BRME1: variants seen among roughly 807,000 people sequenced by gnomAD.
BRME1 encodes BRCA2 and MEILB2-associating protein 1.
A neutral mutation model predicts 52.6 loss-of-function variants in BRME1; 31 were observed. The ratio of observed to expected loss-of-function variants is 0.59; its 90% CI spans 0.44 to 0.80. The LOEUF (loss-of-function observed/expected upper bound fraction) is 0.80, where lower values mean the gene tolerates loss of function less well. Among genes scored for constraint, BRME1 ranks in the 30% least tolerant of loss-of-function variants. The probability of loss-of-function intolerance (pLI) is 0.00; values close to 1 mark genes in which losing one functional copy is unlikely to be tolerated. For synonymous variants in BRME1, 359 were observed against 353.6 expected (o/e 1.02, Z -0.17); for missense variants, 804 against 860.3 (o/e 0.93, Z 0.82).
intron 3 of BRME1, 152 bp downstream of exon 3, chr19:13,895,220 G>T (rs1249789318): frequency 2.0e-5 from 14 of 716,930 alleles, no homozygotes; most frequent in Non-Finnish European, 6.5e-6. Flanking sequence ...GCTAGGAGAA[G>T]CGAGATCCGA....
rs59151567 is a variant in BRME1 at position 13,891,135 on chromosome 19, T to TTTTTTTTTTTTATTA, written c.394-674_394-673insTAATAAAAAAAAAAA. ...AGACCACACCAATGTCAATTTCCTGTTTATTATTATTATTATTATTATTAT... is the reference window on the plus strand; with the variant it reads ...AGACCACACCAATGTCAATTTCCTGTTTTTTTTTTTTATTATTATTATTATTATTATTATTATTAT... On this transcript the variant is annotated intron_variant, in intron 5 of 8. Transcript: ENST00000586783. 1.2e-3 allele frequency among the ~76,000 whole-genome samples: 183 copies of TTTTTTTTTTTTATTA among 146,666 alleles called. 1 individual carries two copies. The highest frequency in any genetic ancestry group is 4.4e-3 in the African/African-American group (171 of 38,826).
intron 2 of BRME1, among the ~76,000 whole-genome samples, chr19:13,902,899 T>C (rs1970396063): frequency 6.8e-6 from 1 of 148,004 alleles, no homozygotes; most frequent in Non-Finnish European, 1.5e-5. Flanking sequence ...CACTCCAGCC[T>C]GGGCAACAAG....
chr19:13,895,766 A>G (rs1969847455), intron 2 of BRME1, among the ~76,000 whole-genome samples: 1 of 152,226 alleles, frequency 6.6e-6, no homozygotes, highest in Non-Finnish European at 1.5e-5. Context: ...CACCAAGGGC[A>G]GACAAGACTA....
At chr19:13,901,138 A>C (rs2145226031) in intron 2 of BRME1, among the ~76,000 whole-genome samples, 1 of 151,062 alleles carries the variant, frequency 6.6e-6, no homozygotes, top group East Asian at 1.9e-4. Flanking sequence ...ACACTGGTTA[A>C]TTAAAATTTT....
In BRME1 at chr19:13,887,105, T is replaced by C. The variant is rs1041989601; in HGVS notation, c.1669-1050A>G. Reference sequence around the variant, plus strand: ...TGGTTTGAGGTTTGAAAGCTCTGTCTCTGCTGTGTCACCTCTGAGTCCCCT... The same window carrying C: ...TGGTTTGAGGTTTGAAAGCTCTGTCCCTGCTGTGTCACCTCTGAGTCCCCT... On this transcript the variant is annotated intron_variant, in intron 6 of 8. Transcript: ENST00000586783. 2.6e-5 allele frequency among the ~76,000 whole-genome samples: 4 copies of C among 152,312 alleles called. No individual in the cohort carries two copies. The South Asian group carries it at 6.2e-4, about 24-fold the overall frequency.
At position 13,890,402 on chromosome 19, in the gene BRME1, C is replaced by T. The variant is rs1969402304; in HGVS notation, c.454G>A (p.Gly152Arg). 2 of 1,524,464 alleles carry T rather than the reference C, an allele frequency of 1.3e-6. No individual in the cohort carries two copies. The highest frequency in any genetic ancestry group is 1.4e-5 in the African/African-American group (1 of 72,126). The allele number at this position is 1,524,464 out of a possible 1,614,324, so 94.4% of individuals were successfully genotyped here. A position where few individuals can be genotyped will look rare whatever the true frequency, so the allele number is the denominator to read the frequency against. ...PGCQLLVETL[G>R]VPLQEATELG... ...TCCGTGGCCTCCTGGAGGGGGACCCCCAGGGTCTCCACTAGCAGCTGGCAT... is the reference window on the plus strand; with the variant it reads ...TCCGTGGCCTCCTGGAGGGGGACCCTCAGGGTCTCCACTAGCAGCTGGCAT... The change falls in exon 6 of 9, where the codon GGG becomes AGG. Residue 152 changes from glycine (G) to arginine (R), a missense_variant. This residue lies in a region of BRME1 where 234 missense variants were observed against 258.1 expected (regional missense o/e 0.91). Coordinates refer to ENST00000586783, the MANE Select transcript of BRME1 (RefSeq NM_001345843.2).
chr19:13,883,073 G>A lies in BRME1; in HGVS notation c.1857-121C>T. 7.8e-7 allele frequency: 1 copy of A among 1,286,702 alleles called. No individual in the cohort carries two copies. The highest frequency in any genetic ancestry group is 1.1e-6 in the Non-Finnish European group (1 of 933,126). The allele number at this position is 1,286,702 out of a possible 1,614,324, so 79.7% of individuals were successfully genotyped here. The stretch of plus-strand genomic sequence containing the variant: ...GTGCACACACACGGCTCACACACGT[G>A]CACATAACCAGAAAGGGCCTGTTGT... On this transcript the variant is annotated intron_variant, in intron 8 of 8. Transcript: ENST00000586783. This position sits in a 1 kb window ranked among gnomAD's most constrained non-coding sequence, Gnocchi z 4.2.
At chr19:13,892,446 C>T (rs770739397) in intron 5 of BRME1, among the ~76,000 whole-genome samples, 7 of 151,692 alleles carry the variant, frequency 4.6e-5, no homozygotes, top group Non-Finnish European at 7.4e-5. Context: ...ATTAGCTGGG[C>T]GCGGTGGGCA....
In BRME1 at chr19:13,892,893, G is replaced by A. The variant is rs778609452; in HGVS notation, c.289-3C>T. 1.9e-6 allele frequency: 3 copies of A among 1,610,556 alleles called. No homozygotes were observed. The highest frequency in any genetic ancestry group is 2.2e-5 in the East Asian group (1 of 44,878). ...GGAACAAACCTCCCGAATGAGTTCT[G>A]TAAACCGGATACAAGAACAAAGCAG... On this transcript the variant is annotated splice_region_variant and splice_polypyrimidine_tract_variant and intron_variant, in intron 4 of 8. Transcript: ENST00000586783.
chr19:13,889,771 T>C lies in BRME1; in HGVS notation c.1085A>G (p.Gln362Arg). Residue 362 changes from glutamine to arginine, a missense_variant, in exon 6 of 9, where the codon CAG becomes CGG. Around this residue, in one of 3 missense-constraint regions of BRME1, gnomAD observed 552 missense variants for 561.1 expected, o/e 0.98. Coordinates refer to ENST00000586783, the MANE Select transcript of BRME1 (RefSeq NM_001345843.2). The stretch of plus-strand genomic sequence containing the variant: ...AGAGGCAGGTGATATGGCACTGGCC[T>C]GCCCATCGGGCCCAGCCACCTCCAG... ...RALEVAGPDG[Q>R]ASAISPASPR... 2 of 1,611,802 alleles carry C rather than the reference T, an allele frequency of 1.2e-6. No homozygotes were observed. The highest frequency in any genetic ancestry group is 1.7e-6 in the Non-Finnish European group (2 of 1,179,728).
chr19:13,892,176 C>T (rs1048674177), intron 5 of BRME1, among the ~76,000 whole-genome samples: 1 of 152,162 alleles, frequency 6.6e-6, no homozygotes, highest in African/African-American at 2.4e-5. Flanking sequence ...AGCCACTGCA[C>T]CTGGCCAATT....
chr19:13,888,010 A>G lies in BRME1; in HGVS notation c.1668+1178T>C, dbSNP rs1969164127. ...CGCGATCTTGGCTCACTGCAACCTC[A>G]GTCTCCCAGGTTCAAGTGATTCTTC... On this transcript the variant is annotated intron_variant, in intron 6 of 8. Coordinates refer to ENST00000586783, the MANE Select transcript of BRME1 (RefSeq NM_001345843.2). The surrounding 1 kb of genome is among the most constrained non-coding windows in gnomAD (Gnocchi z 4.1). Among the ~76,000 whole-genome samples the G allele has an allele frequency of 6.6e-6, 1 of 151,962 alleles. No homozygotes were observed. The highest frequency in any genetic ancestry group is 1.5e-5 in the Non-Finnish European group (1 of 67,994).
chr19:13,891,135 TTTATTATTATTA>T (rs148642817), intron 5 of BRME1, among the ~76,000 whole-genome samples: 3 of 146,668 alleles, frequency 2.0e-5, no homozygotes, highest in South Asian at 4.3e-4. Context: ...CAATTTCCTG[TTTATTATTATTA>T]TTATTATTAT....
At position 13,891,135 on chromosome 19, in the gene BRME1, T is replaced by TTTTTTTTTTTATTATTATTA. The variant is rs59151567; in HGVS notation, c.394-674_394-673insTAATAATAATAAAAAAAAAA. ...AGACCACACCAATGTCAATTTCCTG[T>TTTTTTTTTTTATTATTATTA]TTATTATTATTATTATTATTATTAT... On this transcript the variant is annotated intron_variant, in intron 5 of 8. Transcript: ENST00000586783. Among the ~76,000 whole-genome samples the TTTTTTTTTTTATTATTATTA allele has an allele frequency of 3.8e-3, 559 of 146,650 alleles. 4 individuals carry two copies. Among genetic ancestry groups the TTTTTTTTTTTATTATTATTA allele is most frequent in the African/African-American group, 0.014 (532 of 38,810 alleles).
chr19:13,884,365 C>CCTGTAATCCCACCA (rs1555723475), intron 7 of BRME1, among the ~76,000 whole-genome samples: 2 of 151,766 alleles, frequency 1.3e-5, no homozygotes, highest in Non-Finnish European at 2.9e-5. Flanking sequence ...ATGGCTCATG[C>CCTGTAATCCCACCA]CTGTAATCCC....
At position 13,883,496 on chromosome 19, in the gene BRME1, T is replaced by A; in HGVS notation, c.1764-96A>T. 1.1e-6 allele frequency: 1 copy of A among 902,906 alleles called. No individual in the cohort carries two copies. The highest frequency in any genetic ancestry group is 1.7e-6 in the Non-Finnish European group (1 of 582,988). 55.9% of individuals were successfully genotyped at this position (902,906 alleles called of 1,614,324 possible). On this transcript the variant is annotated intron_variant, in intron 7 of 8. Coordinates refer to ENST00000586783, the MANE Select transcript of BRME1 (RefSeq NM_001345843.2). This position sits in a 1 kb window ranked among gnomAD's most constrained non-coding sequence, Gnocchi z 4.2. The stretch of plus-strand genomic sequence containing the variant: ...GCTTCCGCAGGGCCTCGCGCCATCT[T>A]TTCCAGGTGTCCAGCCTGTCCTCCT...
At chr19:13,891,135 T>TTTTTTTTTTTTTATTATTA (rs59151567) in intron 5 of BRME1, among the ~76,000 whole-genome samples, 2 of 146,668 alleles carry the variant, frequency 1.4e-5, no homozygotes, top group African/African-American at 5.2e-5. Context: ...CAATTTCCTG[T>TTTTTTTTTTTTTATTATTA]TTATTATTAT....
At chr19:13,897,687 G>A (rs1452980496) in intron 2 of BRME1, among the ~76,000 whole-genome samples, 3 of 151,840 alleles carry the variant, frequency 2.0e-5, no homozygotes, top group Admixed American at 6.6e-5. Flanking sequence ...GCAACATGGC[G>A]AAACCCTGTC....
At position 13,890,020 on chromosome 19, in the gene BRME1, G is replaced by T. The variant is rs994665667; in HGVS notation, c.836C>A (p.Thr279Asn). 1.2e-6 allele frequency: 2 copies of T among 1,613,254 alleles called. No individual in the cohort carries two copies. The highest frequency in any genetic ancestry group is 3.3e-5 in the Admixed American group (2 of 59,996). Residue 279 changes from threonine (T) to asparagine (N), a missense_variant, in exon 6 of 9, where the codon ACC becomes AAC. Physicochemically the swap from Thr to Asn is moderately conservative, Grantham distance 65. Transcript: ENST00000586783. ...PQEEGDGVPC[T>N]PASAPTSGPA... is the part of the protein sequence containing the mutation. ...GCCTGAGGTAGGAGCTGATGCTGGG[G>T]TACAGGGGACACCGTCTCCCTCCTC...
Sources: gnomAD v4.1 joint callset for allele counts (sites outside exome capture counted in the v4.1 genomes callset) on GRCh38, gnomAD v4.1.1 for gene constraint, gnomAD v4.1.1 regional missense constraint, Gnocchi (gnomAD v3.1) non-coding constraint, MANE v1.5 for transcripts, NCBI Gene and HGNC (gene_info 2026-07-23, HGNC 2026-07-21) for gene names.